The following ITGA4 variants were observed in gnomAD, a reference collection of about 807,000 sequenced individuals.
ITGA4 encodes the protein integrin subunit alpha 4, also known as integrin alpha-4.
ITGA4 carries 63 observed loss-of-function variants against 133.6 expected under a neutral mutation model. The ratio of observed to expected loss-of-function variants is 0.47; its 90% CI spans 0.38 to 0.58. The LOEUF (loss-of-function observed/expected upper bound fraction) is 0.58. Ranked by LOEUF, ITGA4 falls within the 20% of genes least tolerant of loss-of-function variation. The pLI, the probability that ITGA4 is intolerant of heterozygous loss-of-function variation, is 0.00. For missense variants in ITGA4, 1,076 were observed against 1,252.7 expected (o/e 0.86, Z 2.13); for synonymous variants, 483 against 438.0 (o/e 1.10, Z -1.28).
At chr2:181,482,222 A>C (rs988673412) in intron 7 of ITGA4, 138 bp from the exon 8 acceptor site, 3 of 842,342 alleles carry the variant, frequency 3.6e-6, no homozygotes, top group Non-Finnish European at 5.2e-6. Flanking sequence ...CTTTTGTGTC[A>C]CTCTCAACAG....
intron 10 of ITGA4, among the ~76,000 whole-genome samples, chr2:181,487,050 T>G (rs1229481745): frequency 6.6e-6 from 1 of 152,230 alleles, no homozygotes; most frequent in East Asian, 1.9e-4. Flanking sequence ...TTCTTAAACG[T>G]AAAATAGTGT....
intron 2 of ITGA4, 23 bp downstream of exon 2, chr2:181,458,340 A>G (rs1252242310): frequency 1.9e-6 from 3 of 1,605,516 alleles, no homozygotes; most frequent in Non-Finnish European, 2.6e-6. Flanking sequence ...TGGGACCAGG[A>G]GTTAGTGACC....
chr2:181,511,466 G>A (rs1686504431), intron 16 of ITGA4, among the ~76,000 whole-genome samples: 1 of 151,694 alleles, frequency 6.6e-6, no homozygotes, highest in African/African-American at 2.4e-5. Context: ...AGAAAATTTG[G>A]GCTTTAAATT....
At position 181,480,142 on chromosome 2, in the gene ITGA4, A is replaced by G. The variant is rs201763546; in HGVS notation, c.630A>G (p.Leu210=). ...AGISSFYTKD[L]IVMGAPGSSY... is the part of the protein sequence containing the mutation. The stretch of plus-strand genomic sequence containing the variant: ...TAGTTTTTTTTTTCTTACAGGATTT[A>G]ATTGTGATGGGGGCCCCAGGATCAT... Residue 210 remains leucine, a synonymous_variant, in exon 6 of 28, where the codon TTA becomes TTG. Coordinates refer to ENST00000397033, the MANE Select transcript of ITGA4 (RefSeq NM_000885.6). The G allele has an allele frequency of 7.8e-6, 12 of 1,544,582 alleles. No homozygotes were observed. Among genetic ancestry groups the G allele is most frequent in the Admixed American group, 4.4e-5 (2 of 45,840 alleles).
chr2:181,490,501 G>A (rs1459874289), intron 10 of ITGA4, among the ~76,000 whole-genome samples: 1 of 148,274 alleles, frequency 6.7e-6, no homozygotes, highest in African/African-American at 2.5e-5. Context: ...GTGTGTGTGT[G>A]TGTGTGTGTG....
intron 15 of ITGA4, 35 bp from the exon 16 acceptor site, chr2:181,509,623 T>G: frequency 6.6e-7 from 1 of 1,524,234 alleles, no homozygotes; most frequent in Non-Finnish European, 8.8e-7. Context: ...TACGTGCTTG[T>G]TTTTGTTAAT....
At chr2:181,479,186 G>A (rs913260875) in intron 5 of ITGA4, 4 of 159,930 alleles carry the variant, frequency 2.5e-5, no homozygotes, top group African/African-American at 9.6e-5. Context: ...GGCAAAGGAA[G>A]AATATCAGTC....
chr2:181,529,745 G>A, intron 23 of ITGA4, 97 bp downstream of exon 23: 1 of 667,074 alleles, frequency 1.5e-6, no homozygotes, highest in Non-Finnish European at 2.7e-6. Context: ...TGTGAAAATG[G>A]ATAATTGTTA....
chr2:181,534,451 T>C (rs1687012159), intron 26 of ITGA4, 81 bp downstream of exon 26: 2 of 875,148 alleles, frequency 2.3e-6, no homozygotes, highest in Admixed American at 4.1e-5. Context: ...TCCTTCTGAG[T>C]AACTGAGTTG....
intron 24 of ITGA4, 43 bp downstream of exon 24, chr2:181,530,692 G>T: frequency 6.3e-7 from 1 of 1,576,950 alleles, no homozygotes; most frequent in South Asian, 1.1e-5. Flanking sequence ...CTTTCCAACA[G>T]AGAAGTGAGA....
intron 2 of ITGA4, among the ~76,000 whole-genome samples, chr2:181,470,804 G>A (rs1400748936): frequency 2.0e-5 from 3 of 152,176 alleles, no homozygotes; most frequent in South Asian, 4.1e-4. Flanking sequence ...GAGCCCAGGA[G>A]TTTGAGGCTG....
Position 181,516,882 on chromosome 2 carries a change from T to C in ITGA4, c.1922+5107T>C, listed in dbSNP as rs1222947043. ...GTGATGAAATTGTCCATTTTTAAAA[T>C]GGAAATAGTACGAATATTTGGCTCA... On this transcript the variant is annotated intron_variant, in intron 17 of 27. Transcript: ENST00000397033. This position sits in a 1 kb window ranked among gnomAD's most constrained non-coding sequence, Gnocchi z 4.0. 1.3e-5 allele frequency among the ~76,000 whole-genome samples: 2 copies of C among 152,078 alleles called. No individual in the cohort carries two copies. Among genetic ancestry groups the C allele is most frequent in the African/African-American group, 4.8e-5 (2 of 41,438 alleles).
chr2:181,524,290 C>A, intron 20 of ITGA4, 40 bp downstream of exon 20: 1 of 1,154,292 alleles, frequency 8.7e-7, no homozygotes, highest in Non-Finnish European at 1.2e-6. Flanking sequence ...GAAATATACC[C>A]CCATATTCTG....
chr2:181,514,401 A>G (rs1453924306), intron 17 of ITGA4, among the ~76,000 whole-genome samples: 1 of 152,098 alleles, frequency 6.6e-6, no homozygotes, highest in Non-Finnish European at 1.5e-5. Flanking sequence ...TAGCCTTGAG[A>G]GTCCATAGTT....
chr2:181,507,353 T>C (rs1574402762), intron 15 of ITGA4, among the ~76,000 whole-genome samples: 2 of 152,142 alleles, frequency 1.3e-5, no homozygotes, highest in Admixed American at 6.6e-5. Context: ...GGTTTCTCAA[T>C]TGAATTCTGT....
At position 181,507,560 on chromosome 2, in the gene ITGA4, G is replaced by A. The variant is rs75757916; in HGVS notation, c.1696-2098G>A. 4.4e-3 allele frequency among the ~76,000 whole-genome samples: 673 copies of A among 152,064 alleles called. 7 individuals are homozygous for A. Among genetic ancestry groups the A allele is most frequent in the African/African-American group, 0.016 (644 of 41,488 alleles). ...TACATTTGCCCTGCAGTAACCCTGGGGGATTGATTCCAGGACCCCACTTGG... is the reference window on the plus strand; with the variant it reads ...TACATTTGCCCTGCAGTAACCCTGGAGGATTGATTCCAGGACCCCACTTGG... On this transcript the variant is annotated intron_variant, in intron 15 of 27. Transcript: ENST00000397033.
Position 181,509,781 on chromosome 2 carries a change from A to G in ITGA4, c.1819A>G (p.Lys607Glu). ...PPLQPILQQK[K>E]EKDIMKKTIN... Reference sequence around the variant, plus strand: ...ACTTCAGCCAATTCTTCAGCAGAAGAAAGAAAAAGACATAATGAAAAAAAC... The same window carrying G: ...ACTTCAGCCAATTCTTCAGCAGAAGGAAGAAAAAGACATAATGAAAAAAAC... The change falls in exon 16 of 28, where the codon AAA becomes GAA. Residue 607 changes from lysine to glutamate, a missense_variant. By Grantham distance (56) the Lys-to-Glu change is moderately conservative. This residue lies in a region of ITGA4 where 365 missense variants were observed against 421.4 expected (regional missense o/e 0.87). Coordinates refer to ENST00000397033, the MANE Select transcript of ITGA4 (RefSeq NM_000885.6). 2 of 1,609,662 alleles carry G rather than the reference A, an allele frequency of 1.2e-6. No homozygotes were observed. The highest frequency in any genetic ancestry group is 1.7e-6 in the Non-Finnish European group (2 of 1,177,660).
chr2:181,462,109 T>G (rs572732729), intron 2 of ITGA4, among the ~76,000 whole-genome samples: 1 of 152,224 alleles, frequency 6.6e-6, no homozygotes, highest in Non-Finnish European at 1.5e-5. Flanking sequence ...TGGACAGCAC[T>G]GCTGTAGAGA....
intron 2 of ITGA4, among the ~76,000 whole-genome samples, chr2:181,474,643 A>C (rs1346297213): frequency 6.6e-6 from 1 of 152,232 alleles, no homozygotes; most frequent in Non-Finnish European, 1.5e-5. Flanking sequence ...AACGTTAGAC[A>C]CAGCAGTTAT....
Sources: gnomAD v4.1 joint callset for allele counts (sites outside exome capture counted in the v4.1 genomes callset) on GRCh38, gnomAD v4.1.1 for gene constraint, gnomAD v4.1.1 regional missense constraint, Gnocchi (gnomAD v3.1) non-coding constraint, MANE v1.5 for transcripts, NCBI Gene and HGNC (gene_info 2026-07-23, HGNC 2026-07-21) for gene names.